LIMCH1: variants seen among roughly 807,000 people sequenced by gnomAD.
The protein encoded by LIMCH1 is LIM and calponin homology domains-containing protein 1.
A neutral mutation model predicts 176.5 loss-of-function variants in LIMCH1; 113 were observed. The observed-to-expected ratio is 0.64, with a 90% CI of 0.55 to 0.75. The LOEUF (loss-of-function observed/expected upper bound fraction) is 0.75, where lower values mean the gene tolerates loss of function less well. Ranked by LOEUF, LIMCH1 falls within the 30% of genes least tolerant of loss-of-function variation. The pLI, the probability that LIMCH1 is intolerant of heterozygous loss-of-function variation, is 0.00. For synonymous variants in LIMCH1, 619 were observed against 645.9 expected (o/e 0.96, Z 0.63); for missense variants, 1,674 against 1,814.9 (o/e 0.92, Z 1.41).
intron 1 of LIMCH1, among the ~76,000 whole-genome samples, chr4:41,367,261 T>C (rs551237703): frequency 1.3e-5 from 2 of 152,298 alleles, no homozygotes; most frequent in African/African-American, 4.8e-5. Context: ...AAAGGACAGA[T>C]GATATAGTCA....
At chr4:41,588,602 A>T (rs1005247417) in intron 1 of LIMCH1, among the ~76,000 whole-genome samples, 1 of 152,224 alleles carries the variant, frequency 6.6e-6, no homozygotes, top group Non-Finnish European at 1.5e-5. Flanking sequence ...TGGGAATCAG[A>T]CAGAGATCAC....
At chr4:41,445,051 G>C (rs1026433101) in intron 1 of LIMCH1, among the ~76,000 whole-genome samples, 9 of 147,572 alleles carry the variant, frequency 6.1e-5, no homozygotes, top group African/African-American at 1.3e-4. Flanking sequence ...AGACACCCAG[G>C]CTGGAGTGCA....
intron 2 of LIMCH1, among the ~76,000 whole-genome samples, chr4:41,509,966 A>G (rs371979555): frequency 6.6e-6 from 1 of 152,236 alleles, no homozygotes; most frequent in Admixed American, 6.5e-5. Context: ...AAGCTCATCC[A>G]TCTTTGTAAA....
chr4:41,383,652 C>T (rs2056047719), intron 1 of LIMCH1, among the ~76,000 whole-genome samples: 1 of 152,144 alleles, frequency 6.6e-6, no homozygotes, highest in Non-Finnish European at 1.5e-5. Flanking sequence ...GTAGAGGGAA[C>T]TGGGCCCCAC....
rs550609319 is a variant in LIMCH1 at position 41,540,274 on chromosome 4, G to C, written c.-241+1924G>C. Among the ~76,000 whole-genome samples the C allele has an allele frequency of 5.3e-5, 8 of 152,292 alleles. No individual in the cohort carries two copies. In the South Asian group the frequency reaches 1.5e-3, roughly 28 times the overall value. ...CAAGATATGAAGAAGAAGAAAAACA[G>C]GAGTAGGAAAAGAAGGAGAAAGAGG... On this transcript the variant is annotated intron_variant, in intron 1 of 31. Coordinates refer to ENST00000503057, the MANE Select transcript of LIMCH1 (RefSeq NM_001330672.2).
chr4:41,527,809 C>T (rs1157900221), intron 3 of LIMCH1, among the ~76,000 whole-genome samples: 2 of 120,558 alleles, frequency 1.7e-5, no homozygotes, highest in Admixed American at 1.1e-4. Flanking sequence ...GGCGACAGAG[C>T]GAGACTCCGT....
intron 1 of LIMCH1, among the ~76,000 whole-genome samples, chr4:41,577,012 A>G (rs1333844229): frequency 1.3e-5 from 2 of 152,072 alleles, no homozygotes; most frequent in Non-Finnish European, 2.9e-5. Flanking sequence ...CATTCCCAGG[A>G]TGTTAAGCCC....
At chr4:41,602,124 CAAAAAAA>C (rs540240960) in intron 2 of LIMCH1, among the ~76,000 whole-genome samples, 1,012 of 73,236 alleles carry the variant, frequency 0.014, 8 homozygotes, top group Non-Finnish European at 0.029. Context: ...TTGAGTAGAC[CAAAAAAA>C]AAAAAAAAAA....
chr4:41,496,981 C>T (rs1254463865), intron 2 of LIMCH1, among the ~76,000 whole-genome samples: 1 of 152,148 alleles, frequency 6.6e-6, no homozygotes, highest in Non-Finnish European at 1.5e-5. Flanking sequence ...ACCACAGAAA[C>T]ATTAAGAAAT....
At chr4:41,542,365 CTT>C (rs35009708) in intron 1 of LIMCH1, among the ~76,000 whole-genome samples, 2 of 137,914 alleles carry the variant, frequency 1.5e-5, no homozygotes, top group African/African-American at 2.7e-5. Flanking sequence ...TCTTTCTTTT[CTT>C]TTTTTTTTTC....
chr4:41,544,792 C>G (rs922753850), intron 1 of LIMCH1, among the ~76,000 whole-genome samples: 2 of 152,148 alleles, frequency 1.3e-5, no homozygotes, highest in East Asian at 3.8e-4. Context: ...GCTTATGCTT[C>G]CTAGAAAGCC....
chr4:41,519,213 G>A (rs1241015959), intron 2 of LIMCH1, among the ~76,000 whole-genome samples: 2 of 152,298 alleles, frequency 1.3e-5, no homozygotes, highest in South Asian at 2.1e-4. Context: ...TCTTCCTGTG[G>A]GTTTTTAATC....
At chr4:41,428,833 A>G (rs1373621554) in intron 1 of LIMCH1, among the ~76,000 whole-genome samples, 2 of 152,216 alleles carry the variant, frequency 1.3e-5, no homozygotes, top group Admixed American at 6.5e-5. Context: ...GCTAATGGCA[A>G]AGCCAGGGCT....
intron 1 of LIMCH1, among the ~76,000 whole-genome samples, chr4:41,455,287 C>T (rs1488615009): frequency 6.6e-6 from 1 of 152,116 alleles, no homozygotes; most frequent in Non-Finnish European, 1.5e-5. Context: ...TTCTGGTTGA[C>T]CACATCTGGG....
At chr4:41,585,809 GA>G (rs1314546252) in intron 1 of LIMCH1, among the ~76,000 whole-genome samples, 1 of 152,092 alleles carries the variant, frequency 6.6e-6, no homozygotes, top group East Asian at 1.9e-4. Context: ...ACTCATCTCA[GA>G]CTGATACGTG....
chr4:41,511,251 TG>T (rs1174529100), intron 2 of LIMCH1, among the ~76,000 whole-genome samples: 1 of 152,242 alleles, frequency 6.6e-6, no homozygotes, highest in Non-Finnish European at 1.5e-5. Context: ...TTCCCTGCTT[TG>T]TATCTTTCTT....
chr4:41,375,372 A>G (rs2054582002), intron 1 of LIMCH1, among the ~76,000 whole-genome samples: 1 of 152,174 alleles, frequency 6.6e-6, no homozygotes, highest in South Asian at 2.1e-4. Flanking sequence ...TTAGGTGTAA[A>G]AATGTGATTG....
At chr4:41,503,090 T>C (rs2073659265) in intron 2 of LIMCH1, among the ~76,000 whole-genome samples, 1 of 152,180 alleles carries the variant, frequency 6.6e-6, no homozygotes, top group Non-Finnish European at 1.5e-5. Context: ...TGTCTTTGGG[T>C]AAGTTTTCCC....
At chr4:41,529,005 G>A (rs1228681797) in intron 3 of LIMCH1, among the ~76,000 whole-genome samples, 1 of 152,226 alleles carries the variant, frequency 6.6e-6, no homozygotes, top group Non-Finnish European at 1.5e-5. Context: ...ATGAAGCCGT[G>A]TGGTGACTGC....
Sources: allele counts gnomAD v4.1 joint callset (sites outside exome capture counted in the v4.1 genomes callset), GRCh38; gene constraint gnomAD v4.1.1; transcripts MANE v1.5; gene names NCBI Gene and HGNC (gene_info 2026-07-23, HGNC 2026-07-21).